The following ALDOB variants were observed in gnomAD, a reference collection of about 807,000 sequenced individuals.
ALDOB encodes aldolase, fructose-bisphosphate B, also known as fructose-bisphosphate aldolase B.
In ALDOB, 39 loss-of-function variants were observed where a neutral mutation model predicts 41.0. That is an observed-to-expected ratio of 0.95 (90% CI 0.74 to 1.24). The LOEUF (loss-of-function observed/expected upper bound fraction) is 1.24, where lower values mean the gene tolerates loss of function less well. Among genes scored for constraint, ALDOB ranks in the 50% most tolerant of loss-of-function variants. The pLI is 0.00. For missense variants in ALDOB, 530 were observed against 457.3 expected (o/e 1.16, Z -1.45); for synonymous variants, 175 against 168.8 (o/e 1.04, Z -0.28).
intron 7 of ALDOB, 152 bp from the exon 8 acceptor site, chr9:101,425,194 T>A (rs1166276847): frequency 4.1e-6 from 4 of 980,026 alleles, no homozygotes; most frequent in Non-Finnish European, 6.2e-6. Context: ...TTGCTTTTGC[T>A]GAAGCTAGTT....
At chr9:101,425,179 T>C (rs1456996939) in intron 7 of ALDOB, 137 bp from the exon 8 acceptor site, 1 of 1,076,932 alleles carries the variant, frequency 9.3e-7, no homozygotes, top group African/African-American at 1.6e-5. Context: ...AACTGAGAAA[T>C]CAGTTTGCTT....
chr9:101,429,735 G>T lies in ALDOB; in HGVS notation c.324+20C>A. On this transcript the variant is annotated intron_variant, in intron 3 of 8. Coordinates refer to ENST00000647789, the MANE Select transcript of ALDOB (RefSeq NM_000035.4). ...TTGCCTAGGACAAAGCAGAAGTGAGGTGTGAATGGAGGTGTTCACCTTGAT... is the reference window on the plus strand; with the variant it reads ...TTGCCTAGGACAAAGCAGAAGTGAGTTGTGAATGGAGGTGTTCACCTTGAT... 2 of 1,610,544 alleles carry T rather than the reference G, an allele frequency of 1.2e-6. No homozygotes were observed. The highest frequency in any genetic ancestry group is 2.2e-5 in the East Asian group (1 of 44,812).
At position 101,421,517 on chromosome 9, in the gene ALDOB, G is replaced by A. The variant is rs1831045937; in HGVS notation, c.*292C>T. On this transcript the variant is annotated 3_prime_UTR_variant, in exon 9 of 9. Coordinates refer to ENST00000647789, the MANE Select transcript of ALDOB (RefSeq NM_000035.4). ...CAATCAGCAGTTGTTCTTTGGATGA[G>A]GAGCCGATATTGTTTTAAAGCCTAT... 2.2e-6 allele frequency: 1 copy of A among 448,722 alleles called. No individual in the cohort carries two copies. 27.8% of individuals were successfully genotyped at this position (448,722 alleles called of 1,614,324 possible). A position where few individuals can be genotyped will look rare whatever the true frequency, so the allele number is the denominator to read the frequency against.
Position 101,424,874 on chromosome 9 carries a change from G to T in ALDOB, c.968C>A (p.Ala323Glu). Reference sequence around the variant, plus strand: ...CCGCTTCATAAAAGCCTCCTGGGTTGCCTCCTTGTTTGCAGCCTTGCCACC... The same window carrying T: ...CCGCTTCATAAAAGCCTCCTGGGTTTCCTCCTTGTTTGCAGCCTTGCCACC... Reference protein sequence around the residue: ...AWGGKAANKEATQEAFMKRAM... With the variant: ...AWGGKAANKEETQEAFMKRAM... The change falls in exon 8 of 9, where the codon GCA (alanine) becomes GAA (glutamate). Residue 323 changes from alanine (A) to glutamate (E), a missense_variant. Transcript: ENST00000647789. The T allele has an allele frequency of 6.2e-7, 1 of 1,613,610 alleles. No homozygotes were observed. The highest frequency in any genetic ancestry group is 1.3e-5 in the African/African-American group (1 of 75,038).
intron 1 of ALDOB, among the ~76,000 whole-genome samples, chr9:101,435,280 A>C (rs762490280): frequency 8.5e-5 from 13 of 152,248 alleles, no homozygotes; most frequent in Non-Finnish European, 1.8e-4. Flanking sequence ...GAGAATGTAG[A>C]AAATGACATA....
rs1198275503 is a variant in ALDOB, at chr9:101,429,803, C to A, written c.276G>T (p.Lys92Asn). ...ETLYQKDSQG[K>N]LFRNILKEKG... ...TTTCCTTGAGGATGTTTCTGAACAGCTTTCCCTGGCTGTCCTTCTGGTAGA... is the reference window on the plus strand; with the variant it reads ...TTTCCTTGAGGATGTTTCTGAACAGATTTCCCTGGCTGTCCTTCTGGTAGA... The change falls in exon 3 of 9, where the codon AAG (lysine) becomes AAT (asparagine). Residue 92 changes from lysine to asparagine, a missense_variant. Physicochemically the swap from Lys to Asn is moderately conservative, Grantham distance 94. Transcript: ENST00000647789. 11 of 1,614,162 alleles carry A rather than the reference C, an allele frequency of 6.8e-6. No individual in the cohort carries two copies. The highest frequency in any genetic ancestry group is 9.3e-6 in the Non-Finnish European group (11 of 1,180,020).
chr9:101,433,943 T>A (rs1564079845), intron 1 of ALDOB, among the ~76,000 whole-genome samples: 1 of 151,780 alleles, frequency 6.6e-6, no homozygotes, highest in African/African-American at 2.4e-5. Flanking sequence ...TATTTTTTTT[T>A]TTATTTTTGG....
chr9:101,432,045 A>C (rs1831227454), intron 1 of ALDOB, among the ~76,000 whole-genome samples: 1 of 152,220 alleles, frequency 6.6e-6, no homozygotes, highest in African/African-American at 2.4e-5. Context: ...CCCAGCTAGG[A>C]TGAAGCAGAG....
At chr9:101,427,252 C>T (rs537781360) in intron 5 of ALDOB, among the ~76,000 whole-genome samples, 1 of 152,172 alleles carries the variant, frequency 6.6e-6, no homozygotes, top group Non-Finnish European at 1.5e-5. Context: ...CAGAGGGCAG[C>T]AGTTGATGGC....
At chr9:101,430,750 A>G (rs1402665558) in intron 2 of ALDOB, 26 bp downstream of exon 2, 1 of 1,512,054 alleles carries the variant, frequency 6.6e-7, no homozygotes, top group Admixed American at 1.7e-5. Context: ...ATGTTGTTAT[A>G]TGATGAGACT....
At chr9:101,421,955 C>A (rs1488793611) in intron 8 of ALDOB, 51 bp from the exon 9 acceptor site, 3 of 1,480,490 alleles carry the variant, frequency 2.0e-6, no homozygotes, top group South Asian at 2.3e-5. Context: ...TGTGACCCCA[C>A]CTTGACCCTG....
At chr9:101,431,687 T>C (rs1326268271) in intron 1 of ALDOB, among the ~76,000 whole-genome samples, 1 of 152,200 alleles carries the variant, frequency 6.6e-6, no homozygotes, top group African/African-American at 2.4e-5. Flanking sequence ...CCTGTTCGGA[T>C]GCCACTTTGG....
intron 1 of ALDOB, among the ~76,000 whole-genome samples, chr9:101,432,870 G>T (rs1831241187): frequency 6.6e-6 from 1 of 152,190 alleles, no homozygotes; most frequent in Admixed American, 6.6e-5. Context: ...TGACACCCCA[G>T]AGTACCTTAC....
At position 101,425,532 on chromosome 9, in the gene ALDOB, G is replaced by A; in HGVS notation, c.720C>T (p.Cys240=). ...CTTGTTCTGGAGTATACTTCTTGGT[G>A]CAGGCATGTCCAGCAGTCACCATGT... is the stretch of plus-strand genomic sequence containing the variant. ...KPNMVTAGHA[C]TKKYTPEQVA... is the part of the protein sequence containing the mutation. The change falls in exon 7 of 9, where the codon TGC becomes TGT. Residue 240 remains cysteine, a synonymous_variant. Coordinates refer to ENST00000647789, the MANE Select transcript of ALDOB (RefSeq NM_000035.4). 1.2e-6 allele frequency: 2 copies of A among 1,614,158 alleles called. No individual in the cohort carries two copies. Among genetic ancestry groups the A allele is most frequent in the Non-Finnish European group, 1.7e-6 (2 of 1,180,030 alleles).
chr9:101,432,356 T>A (rs533966), intron 1 of ALDOB, among the ~76,000 whole-genome samples: 55,060 of 151,994 alleles, frequency 0.36, 10,393 homozygotes, highest in South Asian at 0.52. Flanking sequence ...CAGCAGAGCA[T>A]GTTTGCCCTG....
chr9:101,429,486 T>C (rs1831182292), intron 3 of ALDOB, among the ~76,000 whole-genome samples: 1 of 152,138 alleles, frequency 6.6e-6, no homozygotes, highest in African/African-American at 2.4e-5. Flanking sequence ...TTCATCCCTG[T>C]AAGAACATCA....
In ALDOB at chr9:101,425,523, C is replaced by A; in HGVS notation, c.729G>T (p.Lys243Asn). The change falls in exon 7 of 9, where the codon AAG becomes AAT. Residue 243 changes from lysine to asparagine, a missense_variant. Lys to Asn is a moderately conservative substitution (Grantham distance 94). Coordinates refer to ENST00000647789, the MANE Select transcript of ALDOB (RefSeq NM_000035.4). ...CCATAGCTACTTGTTCTGGAGTATA[C>A]TTCTTGGTGCAGGCATGTCCAGCAG... The part of the protein sequence containing the change: ...MVTAGHACTK[K>N]YTPEQVAMAT... 2 of 1,614,136 alleles carry A rather than the reference C, an allele frequency of 1.2e-6. No individual in the cohort carries two copies. Among genetic ancestry groups the A allele is most frequent in the Non-Finnish European group, 1.7e-6 (2 of 1,180,022 alleles).
intron 2 of ALDOB, 34 bp downstream of exon 2, chr9:101,430,742 G>A (rs1564079120): frequency 1.4e-6 from 2 of 1,474,124 alleles, no homozygotes; most frequent in African/African-American, 2.8e-5. Context: ...AAAATAATAT[G>A]TTGTTATATG....
intron 8 of ALDOB, among the ~76,000 whole-genome samples, chr9:101,422,223 C>A (rs1831058434): frequency 6.6e-6 from 1 of 152,044 alleles, no homozygotes; most frequent in South Asian, 2.1e-4. Context: ...GTACACTATA[C>A]CAAAAGAAAA....
Sources: allele counts gnomAD v4.1 joint callset (sites outside exome capture counted in the v4.1 genomes callset), GRCh38; gene constraint gnomAD v4.1.1; transcripts MANE v1.5; gene names NCBI Gene and HGNC (gene_info 2026-07-23, HGNC 2026-07-21).